The following TRIM2 variants were observed in gnomAD, a reference collection of about 807,000 sequenced individuals.
The protein encoded by TRIM2 is tripartite motif containing 2, also known as tripartite motif-containing protein 2.
TRIM2 carries 20 observed loss-of-function variants against 75.2 expected under a neutral mutation model. That is an observed-to-expected ratio of 0.27 (90% CI 0.19 to 0.39). TRIM2 has a LOEUF of 0.39. TRIM2 is among the 10% of genes least tolerant of loss of function. TRIM2 has a pLI of 1.00. For synonymous variants in TRIM2, 373 were observed against 388.3 expected (o/e 0.96, Z 0.46); for missense variants, 660 against 990.8 (o/e 0.67, Z 4.48).
chr4:153,240,800 C>T (rs758652492), intron 1 of TRIM2, among the ~76,000 whole-genome samples: 6 of 152,180 alleles, frequency 3.9e-5, no homozygotes, highest in Non-Finnish European at 7.3e-5. Context: ...TTTCCCTGGC[C>T]GGGCGTGGTG....
intron 3 of TRIM2, among the ~76,000 whole-genome samples, chr4:153,279,741 G>A (rs1033811571): frequency 4.6e-5 from 7 of 152,052 alleles, no homozygotes; most frequent in Non-Finnish European, 7.4e-5. Context: ...TCAGGAGTTC[G>A]AGACCAGCCT....
chr4:153,330,504 A>G (rs1771215432), intron 11 of TRIM2, among the ~76,000 whole-genome samples: 1 of 152,206 alleles, frequency 6.6e-6, no homozygotes, highest in East Asian at 1.9e-4. Flanking sequence ...AGTATTAGAA[A>G]ATCAGGGAGT....
At chr4:153,265,807 C>A (rs1052166461) in intron 1 of TRIM2, 1 of 152,124 alleles carries the variant, frequency 6.6e-6, no homozygotes, top group African/African-American at 2.4e-5. Context: ...GTTAAACTTA[C>A]GTCATCAATT....
At chr4:153,306,796 C>A (rs116261168) in intron 6 of TRIM2, among the ~76,000 whole-genome samples, 1 of 152,166 alleles carries the variant, frequency 6.6e-6, no homozygotes, top group East Asian at 1.9e-4. Context: ...ATTTACACTG[C>A]AGAAATGGGA....
chr4:153,216,947 C>T (rs1457944424), intron 1 of TRIM2, among the ~76,000 whole-genome samples: 1 of 152,144 alleles, frequency 6.6e-6, no homozygotes, highest in African/African-American at 2.4e-5. Context: ...GTTGGAGGCA[C>T]ACATTCAGGC....
In TRIM2 at chr4:153,291,043, A is replaced by C. The variant is rs565474865; in HGVS notation, c.454-1939A>C. Among the ~76,000 whole-genome samples the C allele has an allele frequency of 2.8e-5, 4 of 145,084 alleles. No homozygotes were observed. In the South Asian group the frequency reaches 6.4e-4, roughly 23 times the overall value. ...ACATGAAATTACAGCCTTATATGAC[A>C]AAAAAAAAAGTGTCTTTATATGACA... On this transcript the variant is annotated intron_variant, in intron 3 of 11. Coordinates refer to ENST00000338700, the MANE Select transcript of TRIM2 (RefSeq NM_015271.5).
chr4:153,230,267 G>C (rs564610485), intron 1 of TRIM2, among the ~76,000 whole-genome samples: 1 of 152,098 alleles, frequency 6.6e-6, no homozygotes, highest in East Asian at 1.9e-4. Flanking sequence ...TGCAGCCTTT[G>C]CCTCCAGGGC....
At position 153,328,530 on chromosome 4, in the gene TRIM2, G is replaced by T. The variant is rs553203415; in HGVS notation, c.2023G>T (p.Val675Leu). Residue 675 changes from valine (V) to leucine (L), a missense_variant and splice_region_variant, in exon 11 of 12, where the codon GTG (valine) becomes TTG (leucine). Transcript: ENST00000338700. ...AATAATTTAAAAATATTTCATACAG[G>T]TGTTTAATCAGGAAGGAGAATTCAT... is the stretch of plus-strand genomic sequence containing the variant. ...ITDFHNHSVK[V>L]FNQEGEFMLK... 2 of 1,602,652 alleles carry T rather than the reference G, an allele frequency of 1.2e-6. No homozygotes were observed. The highest frequency in any genetic ancestry group is 1.7e-6 in the Non-Finnish European group (2 of 1,175,762).
chr4:153,159,649 T>G (rs2149591414), intron 1 of TRIM2, among the ~76,000 whole-genome samples: 1 of 152,230 alleles, frequency 6.6e-6, no homozygotes, highest in Admixed American at 6.5e-5. Flanking sequence ...ATTTTTTTTC[T>G]TCTCTCTTGT....
At chr4:153,279,661 G>A (rs1243611761) in intron 3 of TRIM2, among the ~76,000 whole-genome samples, 1 of 152,030 alleles carries the variant, frequency 6.6e-6, no homozygotes, top group African/African-American at 2.4e-5. Context: ...CAAAACATGA[G>A]GCCGAGCACA....
chr4:153,192,151 C>T (rs1047909612), intron 1 of TRIM2, among the ~76,000 whole-genome samples: 11 of 152,314 alleles, frequency 7.2e-5, no homozygotes, highest in Middle Eastern at 6.8e-3. Context: ...CCAGGCATCC[C>T]GCACCACAGT....
intron 1 of TRIM2, among the ~76,000 whole-genome samples, chr4:153,225,111 A>G (rs1741759889): frequency 6.6e-6 from 1 of 152,226 alleles, no homozygotes; most frequent in Admixed American, 6.5e-5. Flanking sequence ...GCAAGGCCCT[A>G]GGAAGCTTTG....
Position 153,244,429 on chromosome 4 carries a change from C to CT in TRIM2, c.31-25904dup, listed in dbSNP as rs778421340. On this transcript the variant is annotated intron_variant, in intron 1 of 11. Coordinates refer to ENST00000338700, the MANE Select transcript of TRIM2 (RefSeq NM_015271.5). ...TCTTCTTCTTCTTCTTCTTCTTCTTCTTCTTCTTTTAATTAGAGAGGAGGC... is the reference window on the plus strand; with the variant it reads ...TCTTCTTCTTCTTCTTCTTCTTCTTCTTTCTTCTTTTAATTAGAGAGGAGGC... Among the ~76,000 whole-genome samples, 21 of 96,120 alleles carry CT rather than the reference C, an allele frequency of 2.2e-4. 4 individuals carry two copies. The highest frequency in any genetic ancestry group is 3.8e-4 in the Non-Finnish European group (18 of 46,820). The allele number at this position is 96,120 out of a possible 152,430, so 63.1% of individuals were successfully genotyped here.
intron 1 of TRIM2, among the ~76,000 whole-genome samples, chr4:153,223,929 T>A (rs1741410551): frequency 6.6e-6 from 1 of 152,200 alleles, no homozygotes; most frequent in Non-Finnish European, 1.5e-5. Flanking sequence ...CATCTATGCC[T>A]TTTTTCATTG....
intron 3 of TRIM2, among the ~76,000 whole-genome samples, chr4:153,281,324 T>G (rs1241018585): frequency 1.3e-5 from 2 of 152,170 alleles, no homozygotes; most frequent in Admixed American, 1.3e-4. Context: ...ATTCCACCAG[T>G]GGAAATATTT....
At chr4:153,266,239 G>T (rs1755025792) in intron 1 of TRIM2, among the ~76,000 whole-genome samples, 2 of 152,042 alleles carry the variant, frequency 1.3e-5, no homozygotes, top group South Asian at 4.1e-4. Flanking sequence ...GCATGCTAAC[G>T]GCTCATTGCA....
chr4:153,206,387 C>T (rs1735440589), intron 1 of TRIM2, among the ~76,000 whole-genome samples: 1 of 152,204 alleles, frequency 6.6e-6, no homozygotes, highest in South Asian at 2.1e-4. Flanking sequence ...GTTTTGTTAG[C>T]ATAGCTCACG....
chr4:153,273,778 C>A (rs1010447396), intron 2 of TRIM2, among the ~76,000 whole-genome samples: 3 of 152,160 alleles, frequency 2.0e-5, no homozygotes, highest in Non-Finnish European at 2.9e-5. Context: ...CAGAAGTATA[C>A]AGGAAACAAT....
chr4:153,263,112 C>T (rs1244308051), intron 1 of TRIM2, among the ~76,000 whole-genome samples: 3 of 152,186 alleles, frequency 2.0e-5, no homozygotes, highest in African/African-American at 7.2e-5. Context: ...GAGAGGATCA[C>T]TTGAGCCCAA....
Sources: allele counts gnomAD v4.1 joint callset (sites outside exome capture counted in the v4.1 genomes callset), GRCh38; gene constraint gnomAD v4.1.1; transcripts MANE v1.5; gene names NCBI Gene and HGNC (gene_info 2026-07-23, HGNC 2026-07-21).